Variants in FGD6 observed in about 807,000 individuals in gnomAD.
The protein encoded by FGD6 is FYVE, RhoGEF and PH domain-containing protein 6.
A neutral mutation model predicts 149.4 loss-of-function variants in FGD6; 90 were observed. That is an observed-to-expected ratio of 0.60 (90% CI 0.51 to 0.72). The LOEUF (loss-of-function observed/expected upper bound fraction) is 0.72, where lower values mean the gene tolerates loss of function less well. FGD6 is among the 30% of genes least tolerant of loss of function. FGD6 has a pLI of 0.00. For synonymous variants in FGD6, 527 were observed against 584.0 expected (o/e 0.90, Z 1.41); for missense variants, 1,437 against 1,684.8 (o/e 0.85, Z 2.57).
At chr12:95,203,366 CCT>C (rs2056672554) in intron 2 of FGD6, among the ~76,000 whole-genome samples, 1 of 152,210 alleles carries the variant, frequency 6.6e-6, no homozygotes, top group Non-Finnish European at 1.5e-5. Flanking sequence ...GATTCCACTT[CCT>C]CTCTTCTCAG....
At chr12:95,144,694 C>CA (rs1555219758) in intron 5 of FGD6, among the ~76,000 whole-genome samples, 4 of 137,348 alleles carry the variant, frequency 2.9e-5, no homozygotes, top group Non-Finnish European at 4.8e-5. Context: ...GCCCAGCTTA[C>CA]TTTTTTTTTT....
chr12:95,170,647 G>C (rs1880965419), intron 3 of FGD6, among the ~76,000 whole-genome samples: 1 of 151,968 alleles, frequency 6.6e-6, no homozygotes, highest in African/African-American at 2.4e-5. Flanking sequence ...CTTCTCAAAA[G>C]AAAAGAACGT....
chr12:95,164,328 G>A (rs1285690039), intron 3 of FGD6, among the ~76,000 whole-genome samples: 2 of 143,512 alleles, frequency 1.4e-5, no homozygotes, highest in East Asian at 4.1e-4. Context: ...GGCAAGCTCC[G>A]CCTCCCTGGT....
chr12:95,214,897 C>T (rs1412852645), intron 1 of FGD6, among the ~76,000 whole-genome samples: 1 of 134,732 alleles, frequency 7.4e-6, no homozygotes, highest in Non-Finnish European at 1.5e-5. Context: ...GAGTCTTGCT[C>T]TGTCACCCAG....
chr12:95,185,621 G>A (rs181836205), intron 2 of FGD6, among the ~76,000 whole-genome samples: 20 of 152,298 alleles, frequency 1.3e-4, no homozygotes, highest in African/African-American at 4.1e-4. Context: ...CCAGCATTTT[G>A]GGAGGCTGAG....
intron 1 of FGD6, 44 bp from the exon 2 acceptor site, chr12:95,211,311 C>G: frequency 6.6e-7 from 1 of 1,514,518 alleles, no homozygotes; most frequent in South Asian, 1.3e-5. Flanking sequence ...ACAACCAAAG[C>G]ACAAAATGAT....
At chr12:95,095,503 C>T (rs1263304693) in intron 14 of FGD6, among the ~76,000 whole-genome samples, 1 of 151,616 alleles carries the variant, frequency 6.6e-6, no homozygotes, top group East Asian at 1.9e-4. Flanking sequence ...CTGAGAGGCA[C>T]ATGTTAGGTA....
At chr12:95,213,961 C>T (rs2056740293) in intron 1 of FGD6, among the ~76,000 whole-genome samples, 1 of 152,216 alleles carries the variant, frequency 6.6e-6, no homozygotes, top group Admixed American at 6.5e-5. Context: ...ACCTGGCTGC[C>T]TCACTTTCCT....
At chr12:95,170,116 G>A (rs7132399) in intron 3 of FGD6, among the ~76,000 whole-genome samples, 132,999 of 152,010 alleles carry the variant, frequency 0.87, 58,518 homozygotes, top group African/African-American at 0.96. Flanking sequence ...GCAAGACTCC[G>A]TCTCAAAAAA....
chr12:95,134,470 G>C (rs1879610175), intron 8 of FGD6, among the ~76,000 whole-genome samples: 1 of 152,082 alleles, frequency 6.6e-6, no homozygotes, highest in Admixed American at 6.6e-5. Context: ...GGCTTGGGAT[G>C]GTCAAAGATG....
chr12:95,177,557 G>C (rs1881165808), intron 2 of FGD6, among the ~76,000 whole-genome samples: 1 of 151,850 alleles, frequency 6.6e-6, no homozygotes, highest in Admixed American at 6.6e-5. Flanking sequence ...TCTACTCCTG[G>C]CCCAAACTGA....
intron 20 of FGD6, among the ~76,000 whole-genome samples, chr12:95,082,502 C>G (rs182580493): frequency 2.0e-5 from 3 of 151,766 alleles, no homozygotes; most frequent in East Asian, 1.9e-4. Flanking sequence ...TACTAAAATA[C>G]AAAAATTAGC....
At chr12:95,116,331 A>G (rs1029067552) in intron 8 of FGD6, among the ~76,000 whole-genome samples, 10 of 152,208 alleles carry the variant, frequency 6.6e-5, no homozygotes, top group African/African-American at 2.2e-4. Context: ...ATTTTCCTTA[A>G]GCTGTTAGAT....
chr12:95,199,793 C>T (rs1220234501), intron 2 of FGD6, among the ~76,000 whole-genome samples: 3 of 151,936 alleles, frequency 2.0e-5, no homozygotes, highest in East Asian at 1.9e-4. Context: ...TTAGTAGAGA[C>T]GGGGTTTCAC....
At chr12:95,150,029 C>T (rs1880256379) in intron 5 of FGD6, among the ~76,000 whole-genome samples, 1 of 114,116 alleles carries the variant, frequency 8.8e-6, no homozygotes, top group South Asian at 2.8e-4. Context: ...CACACACACA[C>T]ACACTTTTTT....
At chr12:95,125,619 G>C (rs1388033179) in intron 8 of FGD6, 4 of 314,244 alleles carry the variant, frequency 1.3e-5, no homozygotes, top group South Asian at 3.1e-5. Context: ...CTGGGAAACA[G>C]AGCAAGACCA....
rs1010727563 is a variant in FGD6, at chr12:95,078,822, C to T, written c.*2698G>A. ...CTTCCCCTGGTTCAGCCTGGCGTCTCATCTACGTTATGCTTAGCATCATTT... is the reference window on the plus strand; with the variant it reads ...CTTCCCCTGGTTCAGCCTGGCGTCTTATCTACGTTATGCTTAGCATCATTT... On this transcript the variant is annotated 3_prime_UTR_variant, in exon 21 of 21. Transcript: ENST00000343958. The T allele has an allele frequency of 2.6e-5, 4 of 152,174 alleles. No individual in the cohort carries two copies. Among genetic ancestry groups the T allele is most frequent in the African/African-American group, 9.7e-5 (4 of 41,440 alleles). The allele number at this position is 152,174 out of a possible 1,614,324, so 9.4% of individuals were successfully genotyped here.
At chr12:95,191,640 T>A (rs67066162) in intron 2 of FGD6, among the ~76,000 whole-genome samples, 13,989 of 152,240 alleles carry the variant, frequency 0.092, 847 homozygotes, top group African/African-American at 0.17. Context: ...GGGATTGGTT[T>A]CAGGACCCCC....
Position 95,135,644 on chromosome 12 carries a change from C to CA in FGD6, c.2995-819dup, listed in dbSNP as rs1385804466. The stretch of plus-strand genomic sequence containing the variant: ...AAATGTCCCTGCATCCTAAGAACTA[C>CA]AAAAAAGAGTCACGCTTCTAACATA... On this transcript the variant is annotated intron_variant, in intron 7 of 20. Coordinates refer to ENST00000343958, the MANE Select transcript of FGD6 (RefSeq NM_018351.4). Among the ~76,000 whole-genome samples the CA allele has an allele frequency of 1.1e-4, 16 of 152,086 alleles. No homozygotes were observed. The East Asian group carries it at 2.5e-3, about 24-fold the overall frequency.
Sources: gnomAD v4.1 joint callset for allele counts (sites outside exome capture counted in the v4.1 genomes callset) on GRCh38, gnomAD v4.1.1 for gene constraint, MANE v1.5 for transcripts, NCBI Gene and HGNC (gene_info 2026-07-23, HGNC 2026-07-21) for gene names.